BTBD16: variants seen among roughly 807,000 people sequenced by gnomAD.
BTBD16 encodes BTB/POZ domain-containing protein 16.
Under a neutral mutation model 67.4 loss-of-function variants are expected in BTBD16, and 66 were observed. That is an observed-to-expected ratio of 0.98 (90% CI 0.80 to 1.20). The LOEUF (loss-of-function observed/expected upper bound fraction) is 1.20, where lower values mean the gene tolerates loss of function less well. Among genes scored for constraint, BTBD16 ranks in the 50% most tolerant of loss-of-function variants. The probability of loss-of-function intolerance (pLI) is 0.00; values close to 1 mark genes in which losing one functional copy is unlikely to be tolerated. For missense variants in BTBD16, 634 were observed against 616.0 expected (o/e 1.03, Z -0.31); for synonymous variants, 242 against 236.4 (o/e 1.02, Z -0.22).
At chr10:122,331,349 C>G (rs967760426) in intron 12 of BTBD16, 91 bp downstream of exon 12, 9 of 1,556,544 alleles carry the variant, frequency 5.8e-6, no homozygotes, top group Non-Finnish European at 8.7e-7. Context: ...CATTTGAAAC[C>G]TCTAAACCTC....
chr10:122,294,825 AG>A (rs2096380158), intron 7 of BTBD16, among the ~76,000 whole-genome samples: 1 of 152,232 alleles, frequency 6.6e-6, no homozygotes, highest in Non-Finnish European at 1.5e-5. Flanking sequence ...ACAGTGAGGA[AG>A]GGGAAGCATA....
intron 10 of BTBD16, among the ~76,000 whole-genome samples, chr10:122,320,344 C>T (rs2096433300): frequency 6.6e-6 from 1 of 151,764 alleles, no homozygotes; most frequent in Non-Finnish European, 1.5e-5. Flanking sequence ...TTTATAGATA[C>T]CCTTTATCAT....
chr10:122,329,667 A>C (rs2096451950), intron 11 of BTBD16, 96 bp downstream of exon 11: 2 of 1,009,406 alleles, frequency 2.0e-6, no homozygotes, highest in East Asian at 2.5e-5. Context: ...TGATGTTTCC[A>C]AGGGAATCAC....
At chr10:122,290,045 G>A (rs766023280) in intron 6 of BTBD16, 47 bp downstream of exon 6, 37 of 1,298,030 alleles carry the variant, frequency 2.9e-5, no homozygotes, top group Middle Eastern at 1.8e-4. Flanking sequence ...TGAACAAATG[G>A]TCCTCCCAGA....
intron 3 of BTBD16, among the ~76,000 whole-genome samples, chr10:122,277,383 G>C (rs1166049424): frequency 2.6e-5 from 4 of 152,134 alleles, no homozygotes; most frequent in Non-Finnish European, 4.4e-5. Flanking sequence ...TTCTCCATGT[G>C]ATGAGTTCTC....
chr10:122,306,875 A>G (rs1020308186), intron 9 of BTBD16, among the ~76,000 whole-genome samples: 4 of 152,212 alleles, frequency 2.6e-5, no homozygotes, highest in African/African-American at 9.6e-5. Context: ...AAATGAAAAA[A>G]TCTACAGAAA....
intron 10 of BTBD16, among the ~76,000 whole-genome samples, chr10:122,316,642 A>T (rs973496348): frequency 6.6e-6 from 1 of 152,130 alleles, no homozygotes; most frequent in South Asian, 2.1e-4. Flanking sequence ...CTAAACATAT[A>T]TGATGTAAAA....
intron 3 of BTBD16, among the ~76,000 whole-genome samples, chr10:122,279,249 G>A (rs2096347186): frequency 6.6e-6 from 1 of 152,086 alleles, no homozygotes; most frequent in South Asian, 2.1e-4. Flanking sequence ...AGGTCTAGGT[G>A]GGAGGATTGC....
chr10:122,320,193 C>G (rs1321040249), intron 10 of BTBD16, among the ~76,000 whole-genome samples: 1 of 151,904 alleles, frequency 6.6e-6, no homozygotes, highest in East Asian at 1.9e-4. Context: ...TGTTTTTGTT[C>G]TTGCCTTATT....
intron 8 of BTBD16, among the ~76,000 whole-genome samples, chr10:122,298,759 G>C (rs1590066445): frequency 6.6e-6 from 1 of 152,210 alleles, no homozygotes; most frequent in East Asian, 1.9e-4. Context: ...CGGTGACCTA[G>C]GGATAACAGT....
intron 7 of BTBD16, among the ~76,000 whole-genome samples, chr10:122,291,898 G>C (rs1413943363): frequency 6.6e-6 from 1 of 152,150 alleles, no homozygotes; most frequent in African/African-American, 2.4e-5. Flanking sequence ...GGAGGAGGTG[G>C]TGGGGAACCA....
chr10:122,334,849 C>A (rs1452182453), intron 13 of BTBD16, 32 bp from the exon 14 acceptor site: 2 of 1,348,592 alleles, frequency 1.5e-6, no homozygotes, highest in Admixed American at 1.7e-5. Flanking sequence ...ATTTTCCCCC[C>A]TTCACTTTGT....
rs918747574 is a variant in BTBD16 at position 122,271,359 on chromosome 10, A to T, written c.-198A>T. 1 of 152,258 alleles carries T rather than the reference A, an allele frequency of 6.6e-6. No homozygotes were observed. Among genetic ancestry groups the T allele is most frequent in the African/African-American group, 2.4e-5 (1 of 41,476 alleles). 9.4% of individuals were successfully genotyped at this position (152,258 alleles called of 1,614,324 possible). A position where few individuals can be genotyped will look rare whatever the true frequency, so the allele number is the denominator to read the frequency against. ...AAGCACCTTGGCCCATAAGAAGAAA[A>T]GGGGGAGCCCCAGATGTGATGAGCG... On this transcript the variant is annotated 5_prime_UTR_variant, in exon 1 of 16. The change creates a new upstream start codon in the 5' untranslated region. Coordinates refer to ENST00000260723, the MANE Select transcript of BTBD16 (RefSeq NM_144587.5).
At chr10:122,319,326 C>G (rs958292981) in intron 10 of BTBD16, among the ~76,000 whole-genome samples, 2 of 152,016 alleles carry the variant, frequency 1.3e-5, no homozygotes, top group Admixed American at 6.5e-5. Flanking sequence ...GATTTTTCCT[C>G]TATGTTTTCT....
chr10:122,297,689 G>T, intron 7 of BTBD16, 79 bp from the exon 8 acceptor site: 1 of 1,500,146 alleles, frequency 6.7e-7, no homozygotes, highest in South Asian at 1.2e-5. Context: ...TCCTGGAGTT[G>T]AATGAGAATC....
intron 7 of BTBD16, among the ~76,000 whole-genome samples, chr10:122,296,556 A>G (rs901260349): frequency 2.0e-5 from 3 of 152,208 alleles, no homozygotes; most frequent in African/African-American, 7.2e-5. Context: ...TGCCCTGCTC[A>G]ATGAAGTGAA....
In BTBD16 at chr10:122,316,948, C is replaced by T. The variant is rs115880280; in HGVS notation, c.911+9640C>T. On this transcript the variant is annotated intron_variant, in intron 10 of 15. Coordinates refer to ENST00000260723, the MANE Select transcript of BTBD16 (RefSeq NM_144587.5). ...GATTACAGGCATGTGTCAGTGCGCC[C>T]GGCTAATTTTTTGTAATTTTAGTAG... Among the ~76,000 whole-genome samples, 878 of 152,206 alleles carry T rather than the reference C, an allele frequency of 5.8e-3. 7 individuals carry two copies. The highest frequency in any genetic ancestry group is 0.018 in the African/African-American group (743 of 41,528).
At chr10:122,280,228 A>G (rs1044827899) in intron 3 of BTBD16, among the ~76,000 whole-genome samples, 5 of 152,252 alleles carry the variant, frequency 3.3e-5, no homozygotes, top group Admixed American at 6.5e-5. Context: ...TGATTCATGT[A>G]AGGAGCTTAG....
chr10:122,336,456 A>G, intron 14 of BTBD16, 38 bp from the exon 15 acceptor site: 1 of 1,547,180 alleles, frequency 6.5e-7, no homozygotes, highest in Non-Finnish European at 8.8e-7. Flanking sequence ...GGCCACCCCG[A>G]TTGCAGTTCC....
Sources: gnomAD v4.1 joint callset for allele counts (sites outside exome capture counted in the v4.1 genomes callset) on GRCh38, gnomAD v4.1.1 for gene constraint, MANE v1.5 for transcripts, NCBI Gene and HGNC (gene_info 2026-07-23, HGNC 2026-07-21) for gene names.